The following NDST4 variants were observed in gnomAD, a reference collection of about 807,000 sequenced individuals.
NDST4 encodes the protein N-heparan sulfate sulfotransferase 4.
In NDST4, 63 loss-of-function variants were observed where a neutral mutation model predicts 100.8. That is an observed-to-expected ratio of 0.62 (90% CI 0.51 to 0.77). NDST4 has a LOEUF of 0.77. Ranked by LOEUF, NDST4 falls within the 30% of genes least tolerant of loss-of-function variation. NDST4 has a pLI of 0.00. For synonymous variants in NDST4, 377 were observed against 361.8 expected (o/e 1.04, Z -0.48); for missense variants, 943 against 1,018.4 (o/e 0.93, Z 1.01).
chr4:114,861,950 T>C (rs768503496), intron 7 of NDST4, among the ~76,000 whole-genome samples: 2 of 152,272 alleles, frequency 1.3e-5, no homozygotes, highest in South Asian at 2.1e-4. Flanking sequence ...GTACCTAAAA[T>C]TATTTTCTTT....
chr4:114,896,968 C>T (rs1578373231), intron 6 of NDST4, among the ~76,000 whole-genome samples: 1 of 152,004 alleles, frequency 6.6e-6, no homozygotes, highest in African/African-American at 2.4e-5. Context: ...GTGGCAGGTA[C>T]AGAGATTTCC....
chr4:115,022,262 A>G (rs964040897), intron 2 of NDST4, among the ~76,000 whole-genome samples: 4 of 151,626 alleles, frequency 2.6e-5, no homozygotes, highest in Non-Finnish European at 4.4e-5. Context: ...TTCCATATAT[A>G]TAAGTTCCAC....
intron 1 of NDST4, among the ~76,000 whole-genome samples, chr4:115,087,431 T>A (rs79918372): frequency 0.013 from 2,044 of 152,124 alleles, 49 homozygotes; most frequent in African/African-American, 0.047. Flanking sequence ...AGCAAAAACA[T>A]CTAAATTATT....
rs1725792524 is a variant in NDST4 at position 114,943,327 on chromosome 4, T to C, written c.1222-5824A>G. On this transcript the variant is annotated intron_variant, in intron 4 of 13. Transcript: ENST00000264363. The stretch of plus-strand genomic sequence containing the variant: ...ATCTGCACTTTTACCATCAGAATGT[T>C]ATTTTAAAAGTAATAACTTAATTAT... Among the ~76,000 whole-genome samples the C allele has an allele frequency of 2.0e-5, 3 of 151,828 alleles. No homozygotes were observed. The South Asian group carries it at 6.2e-4, about 31-fold the overall frequency.
intron 4 of NDST4, among the ~76,000 whole-genome samples, chr4:114,940,647 C>T (rs1052653955): frequency 6.6e-6 from 1 of 152,058 alleles, no homozygotes. Context: ...TTTAACAGCT[C>T]GGTGGAAGGT....
At chr4:114,928,287 C>T (rs1425895221) in intron 6 of NDST4, among the ~76,000 whole-genome samples, 1 of 152,128 alleles carries the variant, frequency 6.6e-6, no homozygotes, top group Non-Finnish European at 1.5e-5. Context: ...CCTGCAGGCT[C>T]CCTCCTTGCC....
intron 4 of NDST4, among the ~76,000 whole-genome samples, chr4:114,937,805 G>A (rs1274821871): frequency 2.0e-5 from 3 of 151,700 alleles, no homozygotes; most frequent in Admixed American, 2.0e-4. Flanking sequence ...ATAAATGTGG[G>A]GGGCGGGGAA....
chr4:114,864,447 T>G (rs1837800), intron 7 of NDST4, among the ~76,000 whole-genome samples: 40,402 of 152,068 alleles, frequency 0.27, 8,017 homozygotes, highest in African/African-American at 0.56. Flanking sequence ...GTGTATGTCT[T>G]TAAAATGCCC....
intron 6 of NDST4, among the ~76,000 whole-genome samples, chr4:114,917,448 G>T (rs1396628946): frequency 3.3e-5 from 5 of 151,994 alleles, no homozygotes; most frequent in African/African-American, 9.7e-5. Flanking sequence ...TTAGTATTTT[G>T]ATAGTAGTTG....
In NDST4 at chr4:114,870,828, T is replaced by G. The variant is rs1262805382; in HGVS notation, c.1659A>C (p.Pro553=). ...WTNLKLQTLP[P]VQLAHQYFEL... ...CAAAATACTGGTGGGCCAGTTGCAC[T>G]GGAGGCAGAGTTTGCAATTTCAGGT... The change falls in exon 7 of 14, where the codon CCA becomes CCC. Residue 553 remains proline (P), a synonymous_variant. Transcript: ENST00000264363. 1.1e-5 allele frequency: 17 copies of G among 1,613,138 alleles called. No individual in the cohort carries two copies. Among genetic ancestry groups the G allele is most frequent in the Non-Finnish European group, 1.4e-5 (17 of 1,179,380 alleles).
chr4:114,894,992 TAA>T (rs1169503074), intron 6 of NDST4, among the ~76,000 whole-genome samples: 3 of 151,776 alleles, frequency 2.0e-5, no homozygotes, highest in Admixed American at 6.6e-5. Flanking sequence ...GCATCAGTGT[TAA>T]GAGGGAAATT....
In NDST4 at chr4:114,829,896, C is replaced by G. The variant is rs943527107; in HGVS notation, c.2397-4G>C. On this transcript the variant is annotated splice_polypyrimidine_tract_variant and splice_region_variant and intron_variant, in intron 12 of 13. Coordinates refer to ENST00000264363, the MANE Select transcript of NDST4 (RefSeq NM_022569.3). Reference sequence around the variant, plus strand: ...AAAACCCTTTTGGGGATCAAACCTACAGTACATAAAACATAATGATTACAA... The same window carrying G: ...AAAACCCTTTTGGGGATCAAACCTAGAGTACATAAAACATAATGATTACAA... 1 of 1,598,394 alleles carries G rather than the reference C, an allele frequency of 6.3e-7. No homozygotes were observed. The highest frequency in any genetic ancestry group is 8.5e-7 in the Non-Finnish European group (1 of 1,169,698).
chr4:115,105,271 A>T (rs1229555526), intron 1 of NDST4, among the ~76,000 whole-genome samples: 2 of 152,120 alleles, frequency 1.3e-5, no homozygotes, highest in Non-Finnish European at 2.9e-5. Flanking sequence ...TATTTTTCTT[A>T]TTCATTCCTC....
At chr4:114,944,281 T>C (rs1725813700) in intron 4 of NDST4, among the ~76,000 whole-genome samples, 2 of 152,154 alleles carry the variant, frequency 1.3e-5, no homozygotes, top group African/African-American at 2.4e-5. Context: ...TTCTATTAGC[T>C]CTTCTTATGC....
chr4:115,073,840 C>T (rs76010281), intron 2 of NDST4, among the ~76,000 whole-genome samples: 1,819 of 151,838 alleles, frequency 0.012, 35 homozygotes, highest in African/African-American at 0.042. Context: ...TAATTAATTC[C>T]TATGTCATTT....
intron 6 of NDST4, among the ~76,000 whole-genome samples, chr4:114,903,218 T>A (rs953200083): frequency 8.5e-5 from 13 of 152,126 alleles, no homozygotes; most frequent in African/African-American, 3.1e-4. Context: ...TAAGCCCCCT[T>A]CAGGTTAGGC....
intron 1 of NDST4, among the ~76,000 whole-genome samples, chr4:115,090,911 C>G (rs987412076): frequency 1.1e-3 from 69 of 63,746 alleles, no homozygotes; most frequent in Non-Finnish European, 1.6e-3. Flanking sequence ...AATCAATTCT[C>G]TTCTTCACAT....
chr4:115,085,029 G>A (rs112232357), intron 1 of NDST4, among the ~76,000 whole-genome samples: 1 of 152,174 alleles, frequency 6.6e-6, no homozygotes, highest in Non-Finnish European at 1.5e-5. Context: ...TGTGAGGGGG[G>A]CTGTACCCTG....
intron 6 of NDST4, among the ~76,000 whole-genome samples, chr4:114,913,411 A>G (rs983948120): frequency 2.6e-5 from 4 of 152,052 alleles, no homozygotes; most frequent in Non-Finnish European, 5.9e-5. Context: ...TATATAAAAT[A>G]AAATGTCTTA....
Sources: gnomAD v4.1 joint callset for allele counts (sites outside exome capture counted in the v4.1 genomes callset) on GRCh38, gnomAD v4.1.1 for gene constraint, MANE v1.5 for transcripts, NCBI Gene and HGNC (gene_info 2026-07-23, HGNC 2026-07-21) for gene names.